DMD: variants seen among roughly 807,000 people sequenced by gnomAD.
DMD encodes dystrophin.
DMD carries 63 observed loss-of-function variants against 330.1 expected under a neutral mutation model. The ratio of observed to expected loss-of-function variants is 0.19; its 90% CI spans 0.16 to 0.24. DMD has a LOEUF of 0.24. DMD is among the 10% of genes least tolerant of loss of function. The probability of loss-of-function intolerance (pLI) is 1.00; values close to 1 mark genes in which losing one functional copy is unlikely to be tolerated. For missense variants in DMD, 3,344 were observed against 2,684.1 expected, an observed-to-expected ratio of 1.25 and a Z score of -5.43; for synonymous variants, 1,223 against 959.8, an observed-to-expected ratio of 1.27 and a Z score of -5.07.
At chrX:33,289,714 A>G (rs1000350614) in intron 1 of DMD, among the ~76,000 whole-genome samples, 3 of 111,360 alleles carry the variant, frequency 2.7e-5, no homozygotes, top group African/African-American at 9.8e-5. Context: ...CAAGTCTTTT[A>G]TTTCCAAAAG....
chrX:31,345,558 G>C (rs1882213751), intron 61 of DMD, among the ~76,000 whole-genome samples: 1 of 111,681 alleles, frequency 9.0e-6, no homozygotes, highest in Non-Finnish European at 1.9e-5. Flanking sequence ...TGTCTGAGGA[G>C]TAATTAATAT....
At chrX:32,252,777 T>TATAA (rs1216896701) in intron 43 of DMD, among the ~76,000 whole-genome samples, 3 of 66,728 alleles carry the variant, frequency 4.5e-5, no homozygotes, top group Non-Finnish European at 7.2e-5. Context: ...TATATAAATA[T>TATAA]ATATAAATAT....
intron 2 of DMD, among the ~76,000 whole-genome samples, chrX:32,946,295 C>A (rs2090801233): frequency 9.0e-6 from 1 of 110,612 alleles, no homozygotes; most frequent in Non-Finnish European, 1.9e-5. Flanking sequence ...TTTTAAATGG[C>A]CTACTTTTTT....
chrX:32,853,241 C>T (rs1375298031), intron 2 of DMD, among the ~76,000 whole-genome samples: 1 of 111,723 alleles, frequency 9.0e-6, no homozygotes, highest in Admixed American at 9.5e-5. Flanking sequence ...AGAAGAGGAC[C>T]TTAACTAGCC....
intron 20 of DMD, among the ~76,000 whole-genome samples, chrX:32,486,173 C>A (rs1465339334): frequency 9.0e-6 from 1 of 111,339 alleles, no homozygotes; most frequent in Non-Finnish European, 1.9e-5. Flanking sequence ...CACTGCTGTA[C>A]TGTCACTAGC....
chrX:32,101,438 C>T (rs919504224), intron 44 of DMD, among the ~76,000 whole-genome samples: 4 of 111,781 alleles, frequency 3.6e-5, no homozygotes, highest in African/African-American at 1.3e-4. Context: ...AACACACCCT[C>T]AATTAACGTT....
chrX:31,176,546 A>G (rs1391932209), intron 71 of DMD, among the ~76,000 whole-genome samples: 1 of 111,153 alleles, frequency 9.0e-6, no homozygotes, highest in Non-Finnish European at 1.9e-5. Flanking sequence ...TGGATTTCTT[A>G]CTCGGTTAAA....
At chrX:32,332,319 A>C (rs2097684249) in intron 41 of DMD, among the ~76,000 whole-genome samples, 1 of 110,471 alleles carries the variant, frequency 9.1e-6, no homozygotes, top group Non-Finnish European at 1.9e-5. Context: ...AGGTAGGGAA[A>C]TAAATACTCA....
intron 12 of DMD, among the ~76,000 whole-genome samples, chrX:32,601,529 G>A (rs758847715): frequency 9.0e-6 from 1 of 111,423 alleles, no homozygotes; most frequent in Non-Finnish European, 1.9e-5. Flanking sequence ...CAATAAATAC[G>A]AAAAGAAACT....
chrX:33,151,740 T>G (rs191457539), intron 1 of DMD, among the ~76,000 whole-genome samples: 1 of 111,697 alleles, frequency 9.0e-6, no homozygotes, highest in Admixed American at 9.5e-5. Context: ...AATAAAGCAG[T>G]TTAAAAAACT....
rs1034157242 is a variant in DMD, at chrX:32,365,165, T to C, written c.4880A>G (p.His1627Arg). The change falls in exon 35 of 79, where the codon CAC becomes CGC. Residue 1627 changes from histidine to arginine, a missense_variant. His to Arg is a conservative substitution (Grantham distance 29). Transcript: ENST00000357033. Reference sequence around the variant, plus strand: ...TCCTACCTCTGTGATACTCTTCAGGTGCACCTTCTGTTTCTCAATCTCTTT... The same window carrying C: ...TCCTACCTCTGTGATACTCTTCAGGCGCACCTTCTGTTTCTCAATCTCTTT... The part of the protein sequence containing the change: ...TQKEIEKQKV[H>R]LKSITEVGEA... 8.3e-7 allele frequency: 1 copy of C among 1,211,186 alleles called. No individual in the cohort carries two copies.
intron 9 of DMD, among the ~76,000 whole-genome samples, chrX:32,656,878 C>A (rs1251187324): frequency 9.0e-6 from 1 of 111,579 alleles, no homozygotes; most frequent in East Asian, 2.8e-4. Flanking sequence ...CCAATCAATA[C>A]CTTGAAAATG....
intron 44 of DMD, among the ~76,000 whole-genome samples, chrX:32,038,191 T>C (rs753697878): frequency 1.8e-5 from 2 of 111,609 alleles, no homozygotes; most frequent in Non-Finnish European, 3.8e-5. Context: ...CCTCATATAA[T>C]AATAGTAGAA....
intron 44 of DMD, among the ~76,000 whole-genome samples, chrX:32,156,631 T>TACACACACACAC (rs747490085): frequency 4.1e-4 from 39 of 94,049 alleles, no homozygotes; most frequent in African/African-American, 1.4e-3. Context: ...GACAAAAGGA[T>TACACACACACAC]ACACACACAC....
chrX:31,441,116 T>G (rs2064912287), intron 60 of DMD, among the ~76,000 whole-genome samples: 1 of 112,691 alleles, frequency 8.9e-6, no homozygotes, highest in Non-Finnish European at 1.9e-5. Flanking sequence ...TCTATTATAC[T>G]ATTTTGCCCA....
At chrX:32,250,754 C>T (rs928894753) in intron 43 of DMD, among the ~76,000 whole-genome samples, 32 of 112,055 alleles carry the variant, frequency 2.9e-4, no homozygotes, top group Admixed American at 2.3e-3. Context: ...TGTCCACTGG[C>T]TGCTTTGTGA....
chrX:31,724,314 A>T (rs945975341), intron 52 of DMD, among the ~76,000 whole-genome samples: 1 of 112,349 alleles, frequency 8.9e-6, no homozygotes, highest in Admixed American at 9.5e-5. Context: ...GCCATGAAGG[A>T]TTTCATAGAT....
At chrX:31,828,992 C>T (rs1337811934) in intron 49 of DMD, among the ~76,000 whole-genome samples, 11 of 111,785 alleles carry the variant, frequency 9.8e-5, no homozygotes, top group Non-Finnish European at 2.1e-4. Flanking sequence ...AAGTGTCCAT[C>T]GACCAATGAA....
intron 9 of DMD, among the ~76,000 whole-genome samples, chrX:32,683,694 AATG>A (rs1244423038): frequency 5.7e-5 from 6 of 105,298 alleles, no homozygotes; most frequent in Non-Finnish European, 1.2e-4. Flanking sequence ...CCTAATGTTA[AATG>A]ATGAGTTAAT....
Sources: gnomAD v4.1 joint callset for allele counts (sites outside exome capture counted in the v4.1 genomes callset) on GRCh38, gnomAD v4.1.1 for gene constraint, MANE v1.5 for transcripts, NCBI Gene and HGNC (gene_info 2026-07-23, HGNC 2026-07-21) for gene names.